The following PTPRZ1 variants were observed in gnomAD, a reference collection of about 807,000 sequenced individuals.
The protein encoded by PTPRZ1 is protein tyrosine phosphatase receptor type Z1, also known as receptor-type tyrosine-protein phosphatase zeta.
In PTPRZ1, 82 loss-of-function variants were observed where a neutral mutation model predicts 214.1. The observed-to-expected ratio is 0.38, with a 90% CI of 0.32 to 0.46. PTPRZ1 has a LOEUF of 0.46. Ranked by LOEUF, PTPRZ1 falls within the 20% of genes least tolerant of loss-of-function variation. The pLI, the probability that PTPRZ1 is intolerant of heterozygous loss-of-function variation, is 1.00. For missense variants in PTPRZ1, 2,603 were observed against 2,748.7 expected (o/e 0.95, Z 1.19); for synonymous variants, 945 against 987.9 (o/e 0.96, Z 0.81).
chr7:122,016,056 G>A (rs1186115842), intron 12 of PTPRZ1, among the ~76,000 whole-genome samples: 1 of 151,922 alleles, frequency 6.6e-6, no homozygotes, highest in Non-Finnish European at 1.5e-5. Flanking sequence ...TTTACAGGAT[G>A]TGTTCTTTAA....
chr7:122,036,871 T>C (rs921782270), intron 18 of PTPRZ1, among the ~76,000 whole-genome samples, 189 bp downstream of exon 18: 1 of 152,220 alleles, frequency 6.6e-6, no homozygotes, highest in Non-Finnish European at 1.5e-5. Flanking sequence ...TAAATGACAT[T>C]CAAGCTATTT....
At chr7:122,044,683 A>G (rs1347196341) in intron 23 of PTPRZ1, 115 bp downstream of exon 23, 3 of 1,077,720 alleles carry the variant, frequency 2.8e-6, no homozygotes, top group East Asian at 2.6e-5. Flanking sequence ...ATGACTTTGT[A>G]TTTGAGCCAT....
chr7:121,997,858 A>G, intron 9 of PTPRZ1, 22 bp from the exon 10 acceptor site: 2 of 1,590,248 alleles, frequency 1.3e-6, no homozygotes, highest in East Asian at 2.2e-5. Flanking sequence ...CATTTGTATA[A>G]TTACTAACAT....
intron 1 of PTPRZ1, among the ~76,000 whole-genome samples, chr7:121,907,778 TA>T (rs1042240374): frequency 1.2e-4 from 19 of 152,026 alleles, no homozygotes; most frequent in African/African-American, 4.6e-4. Context: ...ATAAAATTAA[TA>T]AAAGCTAATT....
chr7:121,954,859 G>C (rs928875015), intron 2 of PTPRZ1, among the ~76,000 whole-genome samples: 1 of 152,226 alleles, frequency 6.6e-6, no homozygotes, highest in African/African-American at 2.4e-5. Context: ...CAGATTTATT[G>C]CTATCATAAT....
At chr7:121,884,071 C>T (rs1473703721) in intron 1 of PTPRZ1, among the ~76,000 whole-genome samples, 1 of 151,438 alleles carries the variant, frequency 6.6e-6, no homozygotes, top group Admixed American at 6.6e-5. Flanking sequence ...GAAATGTAAG[C>T]ATATTTTTTC....
Position 122,044,410 on chromosome 7 carries a change from T to C in PTPRZ1, c.5938-12T>C. 2 of 1,613,508 alleles carry C rather than the reference T, an allele frequency of 1.2e-6. No individual in the cohort carries two copies. The highest frequency in any genetic ancestry group is 1.7e-6 in the Non-Finnish European group (2 of 1,179,584). ...CTTGAACTAATGTTGCTTATTGTCA[T>C]TGTTTTGCCAGGAGCAATATGTCTT... On this transcript the variant is annotated splice_polypyrimidine_tract_variant and intron_variant, in intron 22 of 29. Coordinates refer to ENST00000393386, the MANE Select transcript of PTPRZ1 (RefSeq NM_002851.3).
chr7:121,874,708 C>T (rs2116125043), intron 1 of PTPRZ1, among the ~76,000 whole-genome samples: 1 of 152,232 alleles, frequency 6.6e-6, no homozygotes, highest in South Asian at 2.1e-4. Flanking sequence ...CCCCCACACA[C>T]GGACATAATT....
At chr7:121,972,724 A>G in intron 4 of PTPRZ1, 32 bp downstream of exon 4, 1 of 1,447,360 alleles carries the variant, frequency 6.9e-7, no homozygotes, top group African/African-American at 1.4e-5. Flanking sequence ...GTACTATTTT[A>G]TTTTCTAAAT....
intron 2 of PTPRZ1, among the ~76,000 whole-genome samples, chr7:121,944,594 A>G (rs186400812): frequency 3.9e-4 from 59 of 152,244 alleles, no homozygotes; most frequent in African/African-American, 1.4e-3. Context: ...TTTCAAGTCA[A>G]TAATGTAAAC....
intron 1 of PTPRZ1, among the ~76,000 whole-genome samples, chr7:121,921,486 T>A (rs1479748285): frequency 1.3e-5 from 2 of 152,150 alleles, no homozygotes; most frequent in Non-Finnish European, 2.9e-5. Context: ...ACTTTCCATC[T>A]CCTTGAATGA....
At chr7:122,054,085 C>T in intron 26 of PTPRZ1, 47 bp downstream of exon 26, 1 of 1,599,368 alleles carries the variant, frequency 6.3e-7, no homozygotes, top group Admixed American at 1.7e-5. Flanking sequence ...AGAGGAATAT[C>T]AGGTTACAAA....
rs201059235 is a variant in PTPRZ1 at position 122,012,462 on chromosome 7, C to T, written c.3416C>T (p.Ser1139Leu). Reference sequence around the variant, plus strand: ...GTCTCTCAAGCATCTGGTGACACTTCGCTTAAACCTGTGCTTAGTGCAAAC... The same window carrying T: ...GTCTCTCAAGCATCTGGTGACACTTTGCTTAAACCTGTGCTTAGTGCAAAC... ...HTVSQASGDT[S>L]LKPVLSANSE... Residue 1139 changes from serine to leucine, a missense_variant, in exon 12 of 30, where the codon TCG (serine) becomes TTG (leucine). Around this residue, in one of 6 missense-constraint regions of PTPRZ1, gnomAD observed 1,913 missense variants for 1,914.3 expected, o/e 1.00. Coordinates refer to ENST00000393386, the MANE Select transcript of PTPRZ1 (RefSeq NM_002851.3). 2.4e-5 allele frequency: 39 copies of T among 1,613,514 alleles called. No individual in the cohort carries two copies. The African/African-American group carries it at 2.9e-4, about 12-fold the overall frequency.
At chr7:121,902,408 T>TTC in intron 1 of PTPRZ1, among the ~76,000 whole-genome samples, 1 of 152,190 alleles carries the variant, frequency 6.6e-6, no homozygotes, top group Non-Finnish European at 1.5e-5. Flanking sequence ...CATGTGGTAG[T>TTC]TCTAATTTTA....
intron 23 of PTPRZ1, among the ~76,000 whole-genome samples, chr7:122,048,682 T>C (rs1261324210): frequency 2.6e-5 from 4 of 152,064 alleles, no homozygotes; most frequent in Admixed American, 1.3e-4. Flanking sequence ...ATAATGAAAA[T>C]ACACTAAAAA....
At chr7:121,887,891 C>T (rs1794448921) in intron 1 of PTPRZ1, among the ~76,000 whole-genome samples, 1 of 152,014 alleles carries the variant, frequency 6.6e-6, no homozygotes, top group Non-Finnish European at 1.5e-5. Context: ...CAGCTAGTGC[C>T]AGCCAAGAGC....
intron 1 of PTPRZ1, among the ~76,000 whole-genome samples, 181 bp downstream of exon 1, chr7:121,873,738 C>T (rs1793959615): frequency 1.3e-5 from 2 of 152,100 alleles, no homozygotes; most frequent in African/African-American, 4.8e-5. Context: ...GTGGGATTTG[C>T]GCGCCCCCTC....
Position 122,010,702 on chromosome 7 carries a change from C to G in PTPRZ1, c.1656C>G (p.Asn552Lys). 2 of 1,613,980 alleles carry G rather than the reference C, an allele frequency of 1.2e-6. No individual in the cohort carries two copies. The highest frequency in any genetic ancestry group is 1.7e-6 in the Non-Finnish European group (2 of 1,179,936). ...CTGTTCTTAGATCTCCACATATGAA[C>G]TTGTCGGGGACTGCAGAATCCTTAA... ...SKTVLRSPHM[N>K]LSGTAESLNT... is the part of the protein sequence containing the mutation. Residue 552 changes from asparagine (N) to lysine (K), a missense_variant, in exon 12 of 30, where the codon AAC (asparagine) becomes AAG (lysine). By Grantham distance (94) the Asn-to-Lys change is moderately conservative. This residue lies in a region of PTPRZ1 where 1,913 missense variants were observed against 1,914.3 expected (regional missense o/e 1.00). Transcript: ENST00000393386.
chr7:121,889,573 AT>A (rs1794518494), intron 1 of PTPRZ1, among the ~76,000 whole-genome samples: 1 of 152,188 alleles, frequency 6.6e-6, no homozygotes, highest in Admixed American at 6.5e-5. Context: ...ACATGCTATT[AT>A]TTCTACCATT....
Sources: gnomAD v4.1 joint callset for allele counts (sites outside exome capture counted in the v4.1 genomes callset) on GRCh38, gnomAD v4.1.1 for gene constraint, gnomAD v4.1.1 regional missense constraint, MANE v1.5 for transcripts, NCBI Gene and HGNC (gene_info 2026-07-23, HGNC 2026-07-21) for gene names.